Variants in ASIC2 observed in about 807,000 individuals in gnomAD.
ASIC2 encodes acid-sensing ion channel 2.
In ASIC2, 25 loss-of-function variants were observed where a neutral mutation model predicts 57.3. The ratio of observed to expected loss-of-function variants is 0.44; its 90% CI spans 0.32 to 0.61. ASIC2 has a LOEUF of 0.61. Ranked by LOEUF, ASIC2 falls within the 20% of genes least tolerant of loss-of-function variation. The pLI is 0.06. For synonymous variants in ASIC2, 319 were observed against 307.5 expected (o/e 1.04, Z -0.39); for missense variants, 641 against 738.1 (o/e 0.87, Z 1.52).
intron 1 of ASIC2, among the ~76,000 whole-genome samples, chr17:34,152,628 G>A (rs1904569765): frequency 6.6e-6 from 1 of 152,196 alleles, no homozygotes; most frequent in South Asian, 2.1e-4. Context: ...AGCTGGCACA[G>A]TGTACACATA....
intron 1 of ASIC2, among the ~76,000 whole-genome samples, chr17:33,399,230 C>A (rs1910192849): frequency 6.6e-6 from 1 of 152,110 alleles, no homozygotes; most frequent in Non-Finnish European, 1.5e-5. Context: ...CCCCTGGGCT[C>A]TACTTATAAA....
intron 1 of ASIC2, among the ~76,000 whole-genome samples, chr17:33,153,844 A>C (rs1904892532): frequency 6.6e-6 from 1 of 152,090 alleles, no homozygotes; most frequent in Non-Finnish European, 1.5e-5. Flanking sequence ...ATCCATGTGA[A>C]TTTGGGGGGC....
Position 33,292,005 on chromosome 17 carries a change from C to A in ASIC2, c.111G>T (p.Gln37His). Residue 37 changes from glutamine (Q) to histidine (H), a missense_variant, in exon 1 of 10, where the codon CAG (glutamine) becomes CAT (histidine). Gln to His is a conservative substitution (Grantham distance 24, BLOSUM62 0). Transcript: ENST00000225823. Reference sequence around the variant, plus strand: ...GCTCGCCGCCTCTGCCGCCCCCGGGCTGCCCGGCAGCCGCCAACGCCGCGG... The same window carrying A: ...GCTCGCCGCCTCTGCCGCCCCCGGGATGCCCGGCAGCCGCCAACGCCGCGG... ...PAPAALAAAG[Q>H]PGGGRGGERA... The A allele has an allele frequency of 8.1e-7, 1 of 1,236,296 alleles. No homozygotes were observed. The highest frequency in any genetic ancestry group is 1.0e-6 in the Non-Finnish European group (1 of 995,906). 76.6% of individuals were successfully genotyped at this position (1,236,296 alleles called of 1,614,324 possible).
intron 1 of ASIC2, among the ~76,000 whole-genome samples, chr17:33,662,229 T>C (rs937321990): frequency 2.0e-5 from 3 of 152,136 alleles, no homozygotes; most frequent in Admixed American, 1.3e-4. Context: ...AGTTTTCTTA[T>C]CTGTAAAGTA....
chr17:33,702,196 T>G (rs1370767205), intron 1 of ASIC2, among the ~76,000 whole-genome samples: 1 of 152,184 alleles, frequency 6.6e-6, no homozygotes, highest in African/African-American at 2.4e-5. Context: ...CCTTCATCTG[T>G]AAAATGGTGA....
intron 1 of ASIC2, among the ~76,000 whole-genome samples, chr17:33,652,844 G>C (rs1906960512): frequency 6.6e-6 from 1 of 152,230 alleles, no homozygotes; most frequent in Non-Finnish European, 1.5e-5. Flanking sequence ...CACTGCCAGT[G>C]ACTGATGAAG....
chr17:33,526,215 C>T (rs375388898), intron 1 of ASIC2, among the ~76,000 whole-genome samples: 1 of 152,160 alleles, frequency 6.6e-6, no homozygotes, highest in East Asian at 1.9e-4. Flanking sequence ...TCTGGAGCAA[C>T]ATCCTGTCTT....
intron 1 of ASIC2, among the ~76,000 whole-genome samples, chr17:33,160,437 G>A (rs752620716): frequency 2.6e-4 from 39 of 152,268 alleles, no homozygotes; most frequent in Non-Finnish European, 4.6e-4. Flanking sequence ...ACCACCTTCA[G>A]GGCTAACCTC....
chr17:34,109,051 TTTTA>T (rs942641037), intron 1 of ASIC2, among the ~76,000 whole-genome samples: 13 of 143,776 alleles, frequency 9.0e-5, no homozygotes, highest in Admixed American at 2.8e-4. Context: ...TTTATTTTAT[TTTTA>T]TTTTATTTTA....
chr17:33,578,943 T>G (rs993883197), intron 1 of ASIC2, among the ~76,000 whole-genome samples: 2 of 152,290 alleles, frequency 1.3e-5, no homozygotes, highest in Non-Finnish European at 2.9e-5. Context: ...TAGCTTCTGC[T>G]GCTGCATCCT....
intron 1 of ASIC2, among the ~76,000 whole-genome samples, chr17:34,128,542 C>G (rs1170541566): frequency 1.3e-5 from 2 of 152,138 alleles, no homozygotes; most frequent in Non-Finnish European, 2.9e-5. Context: ...CACTTAACTT[C>G]CAAGAGCCTC....
At chr17:34,144,081 A>G (rs908372794) in intron 1 of ASIC2, among the ~76,000 whole-genome samples, 2 of 152,164 alleles carry the variant, frequency 1.3e-5, no homozygotes. Context: ...ACCAATTACA[A>G]GATAAGTGAC....
At chr17:33,195,022 G>T (rs554180361) in intron 1 of ASIC2, among the ~76,000 whole-genome samples, 2 of 152,350 alleles carry the variant, frequency 1.3e-5, no homozygotes, top group South Asian at 4.1e-4. Flanking sequence ...ACTGGACTGA[G>T]AGAGGTAGGA....
intron 1 of ASIC2, among the ~76,000 whole-genome samples, chr17:33,213,278 A>T (rs1352675401): frequency 1.3e-5 from 2 of 152,220 alleles, no homozygotes; most frequent in African/African-American, 4.8e-5. Context: ...GTGGAAAAAA[A>T]ACCTTGCTTG....
intron 1 of ASIC2, among the ~76,000 whole-genome samples, chr17:33,781,527 C>T (rs565645260): frequency 6.6e-6 from 1 of 152,276 alleles, no homozygotes; most frequent in East Asian, 1.9e-4. Flanking sequence ...AAAGTGGATC[C>T]TTGCCACCAG....
chr17:33,353,790 A>T (rs1463646156), intron 1 of ASIC2, among the ~76,000 whole-genome samples: 1 of 152,168 alleles, frequency 6.6e-6, no homozygotes, highest in Non-Finnish European at 1.5e-5. Flanking sequence ...AGAGTGATTC[A>T]GTCAATTAAT....
At chr17:33,890,523 G>A (rs964209966) in intron 1 of ASIC2, among the ~76,000 whole-genome samples, 1 of 152,300 alleles carries the variant, frequency 6.6e-6, no homozygotes, top group South Asian at 2.1e-4. Flanking sequence ...TGCACACAAA[G>A]AGGAGGTGGC....
chr17:33,674,194 G>T (rs116993629), intron 1 of ASIC2, among the ~76,000 whole-genome samples: 4 of 152,012 alleles, frequency 2.6e-5, no homozygotes, highest in African/African-American at 2.4e-5. Flanking sequence ...AGCCTGGCCC[G>T]TGTCTTTAGC....
intron 1 of ASIC2, among the ~76,000 whole-genome samples, chr17:33,668,757 G>T (rs1158992482): frequency 1.3e-5 from 2 of 152,188 alleles, no homozygotes; most frequent in South Asian, 2.1e-4. Context: ...GGTTGTGAGG[G>T]CAGAGGAGTT....
Sources: gnomAD v4.1 joint callset for allele counts (sites outside exome capture counted in the v4.1 genomes callset) on GRCh38, gnomAD v4.1.1 for gene constraint, MANE v1.5 for transcripts, NCBI Gene and HGNC (gene_info 2026-07-23, HGNC 2026-07-21) for gene names.